Variants in AARSD1 observed in about 807,000 individuals in gnomAD.
The protein encoded by AARSD1 is alanyl-tRNA synthetase domain containing 1, also known as alanyl-tRNA editing protein Aarsd1.
In AARSD1, 44 loss-of-function variants were observed where a neutral mutation model predicts 48.7. The ratio of observed to expected loss-of-function variants is 0.90; its 90% confidence interval spans 0.71 to 1.16. The LOEUF is 1.16. Ranked by LOEUF, AARSD1 falls within the 50% of genes most tolerant of loss-of-function variation. AARSD1 has a pLI of 0.00. For synonymous variants in AARSD1, 189 were observed against 194.9 expected (o/e 0.97, Z 0.25); for missense variants, 511 against 523.1 (o/e 0.98, Z 0.23).
rs2049555395 is a variant in AARSD1, at chr17:42,956,531, T to G, written c.419A>C (p.Glu140Ala). 1 of 1,613,488 alleles carries G rather than the reference T, an allele frequency of 6.2e-7. No homozygotes were observed. Among genetic ancestry groups the G allele is most frequent in the Non-Finnish European group, 8.5e-7 (1 of 1,179,880 alleles). ...TGCAGTCATAGAGGGGGTGTCCAGC[T>G]CAATCGCACTCCGAAATCTCCCTAA... Reference protein sequence around the residue: ...WELGRFRSAIELDTPSMTAEQ... With the variant: ...WELGRFRSAIALDTPSMTAEQ... Residue 140 changes from glutamate to alanine, a missense_variant, in exon 5 of 12, where the codon GAG (glutamate) becomes GCG (alanine). Coordinates refer to ENST00000427569, the MANE Select transcript of AARSD1 (RefSeq NM_001261434.2).
intron 10 of AARSD1, chr17:42,952,173 A>T: frequency 2.4e-6 from 1 of 424,118 alleles, no homozygotes; most frequent in South Asian, 2.7e-5. Flanking sequence ...CACTCTTGCA[A>T]ACTTTTCCCC....
At position 42,956,162 on chromosome 17, in the gene AARSD1, C is replaced by T. The variant is rs748971687; in HGVS notation, c.663+42G>A. 1.8e-5 allele frequency: 29 copies of T among 1,613,402 alleles called. No individual in the cohort carries two copies. In the African/African-American group the frequency reaches 2.4e-4, roughly 13 times the overall value. The stretch of plus-strand genomic sequence containing the variant: ...CAGCCCCATGTGATCCCCTCTCCCC[C>T]AATCCCTCTTCTCAGCCACTCCACA... On this transcript the variant is annotated intron_variant, in intron 6 of 11. Coordinates refer to ENST00000427569, the MANE Select transcript of AARSD1 (RefSeq NM_001261434.2).
rs987818233 is a variant in AARSD1, at chr17:42,956,485, C to T, written c.465G>A (p.Glu155=). 6 of 1,613,960 alleles carry T rather than the reference C, an allele frequency of 3.7e-6. No individual in the cohort carries two copies. Among genetic ancestry groups the T allele is most frequent in the Non-Finnish European group, 5.1e-6 (6 of 1,180,028 alleles). Reference sequence around the variant, plus strand: ...CTCTGATTTTTTCATTGACGCTCTGCTCAATGGCAGCTACTTGCTCTGCAG... The same window carrying T: ...CTCTGATTTTTTCATTGACGCTCTGTTCAATGGCAGCTACTTGCTCTGCAG... ...SMTAEQVAAI[E]QSVNEKIRDR... Residue 155 remains glutamate (E), a synonymous_variant, in exon 5 of 12, where the codon GAG becomes GAA. Transcript: ENST00000427569.
intron 2 of AARSD1, 41 bp downstream of exon 2, chr17:42,964,065 A>G (rs1027720712): frequency 1.8e-5 from 29 of 1,612,672 alleles, no homozygotes; most frequent in Non-Finnish European, 2.4e-5. Flanking sequence ...GCCTGAGCAC[A>G]AAGAAACTGG....
At chr17:42,960,864 T>C (rs2049626641) in intron 3 of AARSD1, 1 of 234,792 alleles carries the variant, frequency 4.3e-6, no homozygotes, top group African/African-American at 2.3e-5. Context: ...CACAGGATGC[T>C]AATGAAAGAC....
intron 9 of AARSD1, among the ~76,000 whole-genome samples, chr17:42,954,391 T>C (rs2049519039): frequency 6.6e-6 from 1 of 151,370 alleles, no homozygotes; most frequent in Non-Finnish European, 1.5e-5. Context: ...ACAGTAAATA[T>C]GTTAATATCA....
At position 42,961,323 on chromosome 17, in the gene AARSD1, A is replaced by G; in HGVS notation, c.200T>C (p.Ile67Thr). 1 of 1,614,112 alleles carries G rather than the reference A, an allele frequency of 6.2e-7. No homozygotes were observed. The highest frequency in any genetic ancestry group is 8.5e-7 in the Non-Finnish European group (1 of 1,179,992). ...ACGGCGAGTCACTCTCAGCACAGAG[A>G]TGTCATTGATTGTACCACGGTCATC... is the stretch of plus-strand genomic sequence containing the variant. Reference protein sequence around the residue: ...QPDDRGTINDISVLRVTRRGE... With the variant: ...QPDDRGTINDTSVLRVTRRGE... The change falls in exon 3 of 12, where the codon ATC becomes ACC. Residue 67 changes from isoleucine (I) to threonine (T), a missense_variant. Physicochemically the swap from Ile to Thr is moderately conservative, Grantham distance 89 (BLOSUM62 -1). Coordinates refer to ENST00000427569, the MANE Select transcript of AARSD1 (RefSeq NM_001261434.2).
At chr17:42,959,979 A>G (rs1214272937) in intron 3 of AARSD1, among the ~76,000 whole-genome samples, 1 of 151,950 alleles carries the variant, frequency 6.6e-6, no homozygotes, top group Non-Finnish European at 1.5e-5. Flanking sequence ...TTTCATTTTT[A>G]AGATTGTTCA....
At position 42,955,206 on chromosome 17, in the gene AARSD1, A is replaced by G. The variant is rs746598247; in HGVS notation, c.813T>C (p.His271=). The G allele has an allele frequency of 2.2e-5, 36 of 1,613,890 alleles. 1 individual carries two copies. Among genetic ancestry groups the G allele is most frequent in the Non-Finnish European group, 3.0e-5 (35 of 1,179,978 alleles). ...TALLKCGAED[H]VEAVKKLQNS... ...TCTGGAGCTTTTTCACTGCTTCCACATGATCCTCTGCTCCACACCTGAAAG... is the reference window on the plus strand; with the variant it reads ...TCTGGAGCTTTTTCACTGCTTCCACGTGATCCTCTGCTCCACACCTGAAAG... Residue 271 remains histidine, a synonymous_variant, in exon 8 of 12, where the codon CAT becomes CAC. Coordinates refer to ENST00000427569, the MANE Select transcript of AARSD1 (RefSeq NM_001261434.2).
intron 3 of AARSD1, 167 bp downstream of exon 3, chr17:42,961,025 T>C: frequency 1.7e-6 from 2 of 1,146,420 alleles, no homozygotes; most frequent in Non-Finnish European, 2.4e-6. Context: ...GTTGTTCATG[T>C]TGCTGTTATA....
At chr17:42,957,344 G>A in intron 3 of AARSD1, 149 bp from the exon 4 acceptor site, 1 of 940,794 alleles carries the variant, frequency 1.1e-6, no homozygotes, top group Non-Finnish European at 1.5e-6. Context: ...ATACTTTATT[G>A]AAAATCACAA....
In AARSD1 at chr17:42,955,207, T is replaced by TGATCCTCTGCTCCACAC. The variant is rs776559733; in HGVS notation, c.795_811dup (p.His271ArgfsTer11). The TGATCCTCTGCTCCACAC allele has an allele frequency of 9.8e-5, 158 of 1,614,096 alleles. 3 individuals are homozygous for TGATCCTCTGCTCCACAC. In the South Asian group the frequency reaches 1.7e-3, roughly 17 times the overall value. On this transcript the variant is annotated frameshift_variant, in exon 8 of 12. Coordinates refer to ENST00000427569, the MANE Select transcript of AARSD1 (RefSeq NM_001261434.2). LOFTEE classifies it high-confidence loss of function. The stretch of plus-strand genomic sequence containing the variant: ...CTGGAGCTTTTTCACTGCTTCCACA[T>TGATCCTCTGCTCCACAC]GATCCTCTGCTCCACACCTGAAAGA...
At chr17:42,952,554 C>G (rs2049493450) in intron 10 of AARSD1, among the ~76,000 whole-genome samples, 3 of 152,008 alleles carry the variant, frequency 2.0e-5, no homozygotes, top group Non-Finnish European at 4.4e-5. Flanking sequence ...CTTGCAGTCC[C>G]AACTACTCAG....
At chr17:42,955,117 G>A in intron 8 of AARSD1, 41 bp downstream of exon 8, 1 of 1,613,536 alleles carries the variant, frequency 6.2e-7, no homozygotes, top group Non-Finnish European at 8.5e-7. Flanking sequence ...CCTATCCTAG[G>A]CAGGGCCCAT....
At chr17:42,956,009 G>A in intron 6 of AARSD1, 37 bp from the exon 7 acceptor site, 1 of 1,613,720 alleles carries the variant, frequency 6.2e-7, no homozygotes, top group East Asian at 2.2e-5. Context: ...ACACACACGT[G>A]TGCACATGCA....
In AARSD1 at chr17:42,964,223, C is replaced by G; in HGVS notation, c.54G>C (p.Val18=). ...GCAGCTCCGCGGGACAGCAGGAGAC[C>G]ACGGTGGTGGTGAACTGAACAGAGA... ...DSYAREFTTT[V]VSCCPAELQT... Residue 18 remains valine, a synonymous_variant, in exon 2 of 12, where the codon GTG becomes GTC. Transcript: ENST00000427569. 6.2e-7 allele frequency: 1 copy of G among 1,614,048 alleles called. No individual in the cohort carries two copies. Among genetic ancestry groups the G allele is most frequent in the Non-Finnish European group, 8.5e-7 (1 of 1,180,032 alleles).
chr17:42,961,302 C>T lies in AARSD1; in HGVS notation c.221G>A (p.Arg74His), dbSNP rs143737893. The T allele has an allele frequency of 2.3e-4, 371 of 1,614,126 alleles. No homozygotes were observed. Among genetic ancestry groups the T allele is most frequent in the African/African-American group, 1.0e-3 (75 of 75,044 alleles). The change falls in exon 3 of 12, where the codon CGC (arginine) becomes CAC (histidine). Residue 74 changes from arginine to histidine, a missense_variant. Coordinates refer to ENST00000427569, the MANE Select transcript of AARSD1 (RefSeq NM_001261434.2). ...INDISVLRVT[R>H]RGEQADHFTQ... ...GAAATGATCAGCCTGTTCCCCACGGCGAGTCACTCTCAGCACAGAGATGTC... is the reference window on the plus strand; with the variant it reads ...GAAATGATCAGCCTGTTCCCCACGGTGAGTCACTCTCAGCACAGAGATGTC...
chr17:42,961,113 C>A, intron 3 of AARSD1, 79 bp downstream of exon 3: 1 of 1,457,928 alleles, frequency 6.9e-7, no homozygotes, highest in Non-Finnish European at 9.1e-7. Context: ...CCTAGAGAAC[C>A]CAAACTACGT....
In AARSD1 at chr17:42,954,858, C is replaced by T; in HGVS notation, c.953+18G>A. ...CAACACAGTTCCCCTTCCTTGTGTC[C>T]AGCTCCTAATTTCTCACCTGTGTAA... On this transcript the variant is annotated intron_variant, in intron 9 of 11. Coordinates refer to ENST00000427569, the MANE Select transcript of AARSD1 (RefSeq NM_001261434.2). 1 of 1,613,746 alleles carries T rather than the reference C, an allele frequency of 6.2e-7. No individual in the cohort carries two copies. The highest frequency in any genetic ancestry group is 1.3e-5 in the African/African-American group (1 of 75,044).
Sources: gnomAD v4.1 joint callset for allele counts (sites outside exome capture counted in the v4.1 genomes callset) on GRCh38, gnomAD v4.1.1 for gene constraint, MANE v1.5 for transcripts, NCBI Gene and HGNC (gene_info 2026-07-23, HGNC 2026-07-21) for gene names.